Variants in OSTC observed in about 807,000 individuals in gnomAD.
The protein encoded by OSTC is oligosaccharyltransferase complex non-catalytic subunit.
OSTC carries 16 observed loss-of-function variants against 16.4 expected under a neutral mutation model. That is an observed-to-expected ratio of 0.98 (90% CI 0.66 to 1.49). The LOEUF (loss-of-function observed/expected upper bound fraction) is 1.49. OSTC is among the 40% of genes most tolerant of loss of function. OSTC has a pLI of 0.00. For synonymous variants in OSTC, 67 were observed against 68.5 expected, an observed-to-expected ratio of 0.98 and a Z score of 0.11; for missense variants, 139 against 186.3, an observed-to-expected ratio of 0.75 and a Z score of 1.48.
At chr4:108,664,002 G>T (rs1434533914) in intron 3 of OSTC, among the ~76,000 whole-genome samples, 1 of 152,100 alleles carries the variant, frequency 6.6e-6, no homozygotes, top group East Asian at 1.9e-4. Context: ...AAGAGAGGGG[G>T]CTAAATGATT....
intron 1 of OSTC, chr4:108,651,181 T>C (rs1726531506): frequency 1.0e-5 from 2 of 194,330 alleles, no homozygotes; most frequent in African/African-American, 4.7e-5. Flanking sequence ...ATAAAGGTCC[T>C]GGGAAGGTCT....
intron 1 of OSTC, among the ~76,000 whole-genome samples, chr4:108,652,821 T>C (rs1375241191): frequency 2.0e-5 from 3 of 152,152 alleles, no homozygotes; most frequent in Admixed American, 2.0e-4. Context: ...TTGGATCATT[T>C]GAGCCCAGGA....
chr4:108,663,065 A>G (rs1450224728), intron 3 of OSTC, among the ~76,000 whole-genome samples: 2 of 152,208 alleles, frequency 1.3e-5, no homozygotes, highest in African/African-American at 4.8e-5. Flanking sequence ...ACAGTTGTCA[A>G]CATTAAATGA....
intron 3 of OSTC, among the ~76,000 whole-genome samples, chr4:108,661,452 C>G (rs1726855699): frequency 6.6e-6 from 1 of 152,040 alleles, no homozygotes; most frequent in Admixed American, 6.6e-5. Flanking sequence ...TACATAGACT[C>G]AAAGGAAATA....
intron 3 of OSTC, 77 bp from the exon 4 acceptor site, chr4:108,667,170 T>G: frequency 1.6e-6 from 2 of 1,261,038 alleles, no homozygotes; most frequent in Non-Finnish European, 2.2e-6. Flanking sequence ...TGTTTTGGCA[T>G]TTTGAAATAC....
chr4:108,663,515 T>C (rs1486243215), intron 3 of OSTC, among the ~76,000 whole-genome samples: 7 of 152,224 alleles, frequency 4.6e-5, no homozygotes, highest in Admixed American at 4.6e-4. Flanking sequence ...AATAAACCAT[T>C]ACTGTTTCTA....
At position 108,667,307 on chromosome 4, in the gene OSTC, T is replaced by G; in HGVS notation, c.*42T>G. ...AATCAGTGGATACTGGATTTGCTCC[T>G]GTCAATGAAGTTTTAAAGGCTGTAC... is the stretch of plus-strand genomic sequence containing the variant. On this transcript the variant is annotated 3_prime_UTR_variant, in exon 4 of 4. Transcript: ENST00000361564. 6.3e-7 allele frequency: 1 copy of G among 1,578,010 alleles called. No homozygotes were observed. Among genetic ancestry groups the G allele is most frequent in the South Asian group, 1.1e-5 (1 of 87,998 alleles).
intron 1 of OSTC, 84 bp from the exon 2 acceptor site, chr4:108,655,480 G>T: frequency 1.2e-5 from 8 of 676,702 alleles, no homozygotes; most frequent in East Asian, 3.9e-5. Context: ...AAAAGTAAAT[G>T]AACCTTAAGA....
At chr4:108,660,932 G>T (rs1221661671) in intron 3 of OSTC, among the ~76,000 whole-genome samples, 1 of 152,086 alleles carries the variant, frequency 6.6e-6, no homozygotes, top group Non-Finnish European at 1.5e-5. Context: ...ATGAATGACT[G>T]TTGGCTGGGC....
At chr4:108,660,775 G>C (rs1726836326) in intron 3 of OSTC, among the ~76,000 whole-genome samples, 1 of 152,176 alleles carries the variant, frequency 6.6e-6, no homozygotes, top group South Asian at 2.1e-4. Flanking sequence ...CTTTGAAAAG[G>C]AGAAAACAGT....
At chr4:108,652,470 C>A (rs1421291957) in intron 1 of OSTC, among the ~76,000 whole-genome samples, 1 of 151,818 alleles carries the variant, frequency 6.6e-6, no homozygotes, top group Non-Finnish European at 1.5e-5. Context: ...GGAAAGGTTG[C>A]TTTTTAGTGG....
At chr4:108,663,352 C>G (rs541368948) in intron 3 of OSTC, 1 of 364,456 alleles carries the variant, frequency 2.7e-6, no homozygotes, top group African/African-American at 2.2e-5. Flanking sequence ...GCTGGGACTA[C>G]AGGCGCCCAC....
intron 3 of OSTC, among the ~76,000 whole-genome samples, chr4:108,658,229 G>C (rs777310764): frequency 6.6e-6 from 1 of 152,092 alleles, no homozygotes; most frequent in South Asian, 2.1e-4. Context: ...ACGGCGCCCA[G>C]CTGTCACTGT....
Position 108,661,302 on chromosome 4 carries a change from G to A in OSTC, c.431+3655G>A, listed in dbSNP as rs113597753. Among the ~76,000 whole-genome samples the A allele has an allele frequency of 4.5e-3, 684 of 151,442 alleles. 5 individuals carry two copies. The highest frequency in any genetic ancestry group is 0.016 in the African/African-American group (660 of 41,286). ...TACATTTAAAAGGAAAAAATTAAACGTAGTCCCTAATATTTTTATTAGTAC... is the reference window on the plus strand; with the variant it reads ...TACATTTAAAAGGAAAAAATTAAACATAGTCCCTAATATTTTTATTAGTAC... On this transcript the variant is annotated intron_variant, in intron 3 of 3. Transcript: ENST00000361564.
chr4:108,653,340 G>A (rs1726606106), intron 1 of OSTC, among the ~76,000 whole-genome samples: 1 of 152,238 alleles, frequency 6.6e-6, no homozygotes, highest in South Asian at 2.1e-4. Flanking sequence ...GATTCGATAT[G>A]ATTCCTGAGG....
chr4:108,655,717 A>G (rs1275375100), intron 2 of OSTC, 60 bp downstream of exon 2: 20 of 1,225,414 alleles, frequency 1.6e-5, no homozygotes, highest in Non-Finnish European at 2.4e-5. Flanking sequence ...TGGTATGCCC[A>G]CTTATTTAAA....
chr4:108,660,208 G>T (rs1726821080), intron 3 of OSTC, among the ~76,000 whole-genome samples: 2 of 152,180 alleles, frequency 1.3e-5, no homozygotes, highest in Admixed American at 1.3e-4. Context: ...TTCGGTTGTA[G>T]ATTATGTTTA....
At chr4:108,664,061 T>C (rs1726932550) in intron 3 of OSTC, among the ~76,000 whole-genome samples, 1 of 152,214 alleles carries the variant, frequency 6.6e-6, no homozygotes, top group Non-Finnish European at 1.5e-5. Context: ...TTTTATTTCT[T>C]ATCAAGAAGT....
chr4:108,652,041 A>G (rs758452447), intron 1 of OSTC: 2 of 152,250 alleles, frequency 1.3e-5, no homozygotes, highest in Non-Finnish European at 2.9e-5. Context: ...TTTGCTCATC[A>G]AGTTAATAGC....
Sources: gnomAD v4.1 joint callset for allele counts (sites outside exome capture counted in the v4.1 genomes callset) on GRCh38, gnomAD v4.1.1 for gene constraint, MANE v1.5 for transcripts, NCBI Gene and HGNC (gene_info 2026-07-23, HGNC 2026-07-21) for gene names.